MAML3: variants seen among roughly 807,000 people sequenced by gnomAD.
The protein encoded by MAML3 is mastermind-like protein 3.
Under a neutral mutation model 101.9 loss-of-function variants are expected in MAML3, and 27 were observed. The observed-to-expected ratio is 0.27, with a 90% confidence interval of 0.20 to 0.37. The LOEUF (loss-of-function observed/expected upper bound fraction) is 0.37, where lower values mean the gene tolerates loss of function less well. MAML3 is among the 10% of genes least tolerant of loss of function. MAML3 has a pLI of 1.00. For missense variants in MAML3, 1,316 were observed against 1,444.9 expected, an observed-to-expected ratio of 0.91 and a Z score of 1.45; for synonymous variants, 501 against 555.9, an observed-to-expected ratio of 0.90 and a Z score of 1.39.
rs531628062 is a variant in MAML3, at chr4:140,022,561, AT to A, written c.468+130298del. Reference sequence around the variant, plus strand: ...GCAGCCAAAAGTGAATATTAATAACATGGAAGATCAATAAGATGCCCAGCAA... The same window carrying A: ...GCAGCCAAAAGTGAATATTAATAACAGGAAGATCAATAAGATGCCCAGCAA... On this transcript the variant is annotated intron_variant, in intron 1 of 4. Coordinates refer to ENST00000509479, the MANE Select transcript of MAML3 (RefSeq NM_018717.5). 2.7e-3 allele frequency among the ~76,000 whole-genome samples: 404 copies of A among 152,374 alleles called. 3 individuals carry two copies. The highest frequency in any genetic ancestry group is 5.2e-3 in the South Asian group (25 of 4,830).
chr4:140,131,192 C>T (rs1728787813), intron 1 of MAML3, among the ~76,000 whole-genome samples: 1 of 152,136 alleles, frequency 6.6e-6, no homozygotes, highest in African/African-American at 2.4e-5. Context: ...TGCAGATATT[C>T]CTAGGATTTA....
intron 1 of MAML3, chr4:140,134,381 C>T (rs772754665): frequency 1.5e-5 from 7 of 456,612 alleles, no homozygotes; most frequent in South Asian, 9.3e-5. Context: ...TCCAGATGCT[C>T]TGAATCACCT....
intron 1 of MAML3, among the ~76,000 whole-genome samples, chr4:140,125,024 T>C (rs541277598): frequency 6.6e-6 from 1 of 152,348 alleles, no homozygotes; most frequent in African/African-American, 2.4e-5. Flanking sequence ...CTAATGTCCT[T>C]TAATTATAAT....
At chr4:139,983,172 G>T (rs540312375) in intron 1 of MAML3, among the ~76,000 whole-genome samples, 4 of 152,116 alleles carry the variant, frequency 2.6e-5, no homozygotes, top group Non-Finnish European at 4.4e-5. Flanking sequence ...CATTGATTTT[G>T]ACAAATGTAG....
At chr4:140,107,636 C>A (rs1278627212) in intron 1 of MAML3, among the ~76,000 whole-genome samples, 1 of 151,578 alleles carries the variant, frequency 6.6e-6, no homozygotes, top group Non-Finnish European at 1.5e-5. Context: ...TCCTGAGTAG[C>A]TGGGATTACA....
chr4:139,820,419 T>C (rs952141636), intron 2 of MAML3, among the ~76,000 whole-genome samples: 1 of 152,208 alleles, frequency 6.6e-6, no homozygotes, highest in Non-Finnish European at 1.5e-5. Flanking sequence ...CTGATGAAAG[T>C]GTTTCTTCAA....
In MAML3 at chr4:140,119,605, C is replaced by CCCTTCCTT. The variant is rs146573388; in HGVS notation, c.468+33254_468+33255insAAGGAAGG. The stretch of plus-strand genomic sequence containing the variant: ...CACAATTTTTTCCCCCTCCCTCCCT[C>CCCTTCCTT]CCTCCCTTCCTTCCTCCCTTCCTTT... On this transcript the variant is annotated intron_variant, in intron 1 of 4. Coordinates refer to ENST00000509479, the MANE Select transcript of MAML3 (RefSeq NM_018717.5). Among the ~76,000 whole-genome samples, 641 of 108,508 alleles carry CCCTTCCTT rather than the reference C, an allele frequency of 5.9e-3. 7 individuals are homozygous for CCCTTCCTT. The highest frequency in any genetic ancestry group is 0.024 in the African/African-American group (601 of 25,074). 71.2% of individuals were successfully genotyped at this position (108,508 alleles called of 152,430 possible). A position where few individuals can be genotyped will look rare whatever the true frequency, so the allele number is the denominator to read the frequency against.
intron 2 of MAML3, among the ~76,000 whole-genome samples, chr4:139,825,269 G>A (rs72948565): frequency 0.011 from 1,704 of 152,284 alleles, 28 homozygotes; most frequent in African/African-American, 0.039. Flanking sequence ...AGGGGTGGCT[G>A]TGATTGTCTC....
chr4:139,889,347 T>C lies in MAML3; in HGVS notation c.2079+10A>G. On this transcript the variant is annotated intron_variant, in intron 2 of 4. Transcript: ENST00000509479. ...GAACTGCTCGAAGAGTGTGTCACTT[T>C]CACACTTACCTGACCGTGGGATGGA... is the stretch of plus-strand genomic sequence containing the variant. 6.2e-7 allele frequency: 1 copy of C among 1,614,042 alleles called. No homozygotes were observed. The highest frequency in any genetic ancestry group is 8.5e-7 in the Non-Finnish European group (1 of 1,179,904).
At chr4:140,064,904 G>C (rs567568888) in intron 1 of MAML3, among the ~76,000 whole-genome samples, 1 of 152,274 alleles carries the variant, frequency 6.6e-6, no homozygotes, top group Non-Finnish European at 1.5e-5. Context: ...TCTTCTCAAG[G>C]CCCTTTTCAA....
chr4:139,886,018 A>T (rs1732333240), intron 2 of MAML3, among the ~76,000 whole-genome samples: 1 of 151,220 alleles, frequency 6.6e-6, no homozygotes, highest in Non-Finnish European at 1.5e-5. Flanking sequence ...ATAATATAAG[A>T]ACATATCTCA....
At chr4:139,804,855 G>A (rs1357471836) in intron 2 of MAML3, among the ~76,000 whole-genome samples, 3 of 152,164 alleles carry the variant, frequency 2.0e-5, no homozygotes, top group Non-Finnish European at 4.4e-5. Flanking sequence ...GTCTAGAACA[G>A]TGCTGTTTAG....
intron 2 of MAML3, among the ~76,000 whole-genome samples, chr4:139,829,958 T>C (rs1002216459): frequency 1.7e-4 from 26 of 152,192 alleles, no homozygotes; most frequent in African/African-American, 6.3e-4. Context: ...TAACGAATAA[T>C]GGAAGGAAGT....
At chr4:140,092,513 C>T (rs1728077639) in intron 1 of MAML3, among the ~76,000 whole-genome samples, 1 of 152,192 alleles carries the variant, frequency 6.6e-6, no homozygotes, top group Non-Finnish European at 1.5e-5. Context: ...GGCGCGGCCG[C>T]TCCTGATCCC....
At chr4:140,031,888 G>A (rs1321052659) in intron 1 of MAML3, among the ~76,000 whole-genome samples, 4 of 152,186 alleles carry the variant, frequency 2.6e-5, no homozygotes, top group East Asian at 1.9e-4. Context: ...ATTCTCCTAC[G>A]TTTCTATTTC....
At chr4:139,949,548 T>C (rs1343544788) in intron 1 of MAML3, among the ~76,000 whole-genome samples, 1 of 152,246 alleles carries the variant, frequency 6.6e-6, no homozygotes, top group African/African-American at 2.4e-5. Context: ...AACATAACTT[T>C]TATTCTAAAG....
At chr4:139,874,760 C>A (rs1423813676) in intron 2 of MAML3, among the ~76,000 whole-genome samples, 1 of 151,408 alleles carries the variant, frequency 6.6e-6, no homozygotes, top group Non-Finnish European at 1.5e-5. Flanking sequence ...AACTAATACA[C>A]AGAGTCATCC....
chr4:139,982,431 GGTT>G (rs778271155), intron 1 of MAML3, among the ~76,000 whole-genome samples: 18 of 152,206 alleles, frequency 1.2e-4, no homozygotes, highest in Admixed American at 6.5e-4. Context: ...AAGAAGCTAT[GGTT>G]GTTTTTACTG....
chr4:140,152,797 C>G, intron 1 of MAML3, 63 bp downstream of exon 1: 2 of 1,561,556 alleles, frequency 1.3e-6, no homozygotes, highest in Admixed American at 3.6e-5. Context: ...AAGCTCCACG[C>G]GCCCCCCACC....
Sources: allele counts gnomAD v4.1 joint callset (sites outside exome capture counted in the v4.1 genomes callset), GRCh38; gene constraint gnomAD v4.1.1; transcripts MANE v1.5; gene names NCBI Gene and HGNC (gene_info 2026-07-23, HGNC 2026-07-21).